PDSS2: variants seen among roughly 807,000 people sequenced by gnomAD.
PDSS2 encodes decaprenyl diphosphate synthase subunit 2.
In PDSS2, 31 loss-of-function variants were observed where a neutral mutation model predicts 44.5. The observed-to-expected ratio is 0.70, with a 90% CI of 0.52 to 0.94. The LOEUF (loss-of-function observed/expected upper bound fraction) is 0.94, where lower values mean the gene tolerates loss of function less well. PDSS2 is among the 40% of genes least tolerant of loss of function. The probability of loss-of-function intolerance (pLI) is 0.00; values close to 1 mark genes in which losing one functional copy is unlikely to be tolerated. For missense variants in PDSS2, 452 were observed against 482.2 expected, an observed-to-expected ratio of 0.94 and a Z score of 0.59; for synonymous variants, 157 against 180.3, an observed-to-expected ratio of 0.87 and a Z score of 1.03.
At chr6:107,431,440 A>G (rs9373949) in intron 1 of PDSS2, among the ~76,000 whole-genome samples, 1 of 151,958 alleles carries the variant, frequency 6.6e-6, no homozygotes, top group African/African-American at 2.4e-5. Flanking sequence ...AGTAGAGACA[A>G]GGTCTTGCCA....
intron 3 of PDSS2, among the ~76,000 whole-genome samples, chr6:107,253,805 C>T (rs1325040157): frequency 1.3e-5 from 2 of 152,084 alleles, no homozygotes; most frequent in Non-Finnish European, 2.9e-5. Flanking sequence ...ATCACTGACT[C>T]ATTTATTTGT....
At chr6:107,416,235 A>G (rs983299759) in intron 1 of PDSS2, among the ~76,000 whole-genome samples, 1 of 152,170 alleles carries the variant, frequency 6.6e-6, no homozygotes, top group African/African-American at 2.4e-5. Flanking sequence ...ATTTGTAAGC[A>G]CAGTATTCCA....
intron 1 of PDSS2, among the ~76,000 whole-genome samples, chr6:107,414,986 T>C (rs1224366412): frequency 6.6e-6 from 1 of 152,096 alleles, no homozygotes; most frequent in African/African-American, 2.4e-5. Context: ...AATCATAGAA[T>C]CTCAACTCAA....
chr6:107,263,972 A>T (rs1775329891), intron 3 of PDSS2, among the ~76,000 whole-genome samples: 1 of 152,230 alleles, frequency 6.6e-6, no homozygotes, highest in Non-Finnish European at 1.5e-5. Context: ...GGTTACATGT[A>T]TAAAAAATAT....
intron 1 of PDSS2, among the ~76,000 whole-genome samples, chr6:107,372,703 C>T (rs1254992643): frequency 1.3e-5 from 2 of 152,240 alleles, no homozygotes; most frequent in Admixed American, 6.5e-5. Flanking sequence ...CTGCCCGCCT[C>T]GGCCTCCCAA....
intron 7 of PDSS2, among the ~76,000 whole-genome samples, chr6:107,181,533 CA>C (rs199867474): frequency 5.5e-5 from 6 of 108,324 alleles, no homozygotes; most frequent in Admixed American, 3.1e-4. Flanking sequence ...ATCTCTGTCT[CA>C]AAAAAAAAAG....
chr6:107,242,795 G>A (rs1332108427), intron 4 of PDSS2, among the ~76,000 whole-genome samples: 1 of 152,158 alleles, frequency 6.6e-6, no homozygotes, highest in Non-Finnish European at 1.5e-5. Context: ...GCCTCCTAAA[G>A]TGCTGGGATT....
At chr6:107,416,451 G>T (rs1007198220) in intron 1 of PDSS2, among the ~76,000 whole-genome samples, 1 of 152,120 alleles carries the variant, frequency 6.6e-6, no homozygotes, top group African/African-American at 2.4e-5. Context: ...TGTTAGCAAG[G>T]TACTTTCACC....
intron 1 of PDSS2, among the ~76,000 whole-genome samples, chr6:107,401,994 T>C (rs1160982151): frequency 6.6e-6 from 1 of 151,694 alleles, no homozygotes; most frequent in Non-Finnish European, 1.5e-5. Context: ...AATACAAAAA[T>C]TAGGCCGGGC....
At chr6:107,213,628 G>A (rs1354587680) in intron 4 of PDSS2, among the ~76,000 whole-genome samples, 2 of 152,036 alleles carry the variant, frequency 1.3e-5, no homozygotes, top group Non-Finnish European at 2.9e-5. Context: ...GTGGTGGCAG[G>A]TGCCTGTAAT....
At chr6:107,195,468 T>G in intron 6 of PDSS2, among the ~76,000 whole-genome samples, 3 of 123,480 alleles carry the variant, frequency 2.4e-5, no homozygotes, top group Admixed American at 9.7e-5. Context: ...GGTGACAGAG[T>G]GAGATCCTGT....
At chr6:107,361,265 CCAGA>C (rs1372820226) in intron 1 of PDSS2, among the ~76,000 whole-genome samples, 1 of 152,094 alleles carries the variant, frequency 6.6e-6, no homozygotes, top group Non-Finnish European at 1.5e-5. Flanking sequence ...AAGGTAAACA[CCAGA>C]TATATGCCAA....
chr6:107,363,821 A>C (rs770737136), intron 1 of PDSS2, among the ~76,000 whole-genome samples: 1 of 152,074 alleles, frequency 6.6e-6, no homozygotes, highest in Non-Finnish European at 1.5e-5. Context: ...CTCCACGTCC[A>C]CATCAGATTA....
At chr6:107,282,137 C>A (rs942634521) in intron 2 of PDSS2, among the ~76,000 whole-genome samples, 2 of 152,126 alleles carry the variant, frequency 1.3e-5, no homozygotes, top group Non-Finnish European at 2.9e-5. Context: ...AACCGCTGAC[C>A]TCAGGTGATC....
At chr6:107,267,588 C>CTTTTTTTT (rs55860139) in intron 3 of PDSS2, among the ~76,000 whole-genome samples, 4 of 132,364 alleles carry the variant, frequency 3.0e-5, no homozygotes, top group African/African-American at 8.3e-5. Context: ...GATTCTCTTT[C>CTTTTTTTT]TTTTTTTTTT....
chr6:107,376,751 T>C (rs1779296904), intron 1 of PDSS2, among the ~76,000 whole-genome samples: 1 of 152,024 alleles, frequency 6.6e-6, no homozygotes. Context: ...ACCCTTTATT[T>C]CCTTCTCCTG....
intron 1 of PDSS2, among the ~76,000 whole-genome samples, chr6:107,392,609 A>T (rs1488628896): frequency 4.6e-5 from 7 of 152,200 alleles, no homozygotes; most frequent in Non-Finnish European, 1.0e-4. Context: ...TAATGCATAA[A>T]CCATGTCAAA....
At chr6:107,213,310 TA>T (rs201011808) in intron 4 of PDSS2, among the ~76,000 whole-genome samples, 1,410 of 90,882 alleles carry the variant, frequency 0.016, 26 homozygotes, top group African/African-American at 0.067. Context: ...CACACCCAGA[TA>T]ATTTTTTTTT....
intron 1 of PDSS2, among the ~76,000 whole-genome samples, chr6:107,411,521 T>C (rs928764012): frequency 3.3e-5 from 5 of 152,330 alleles, no homozygotes; most frequent in African/African-American, 1.2e-4. Context: ...ATCTATACAA[T>C]TGGCCCTCCA....
Sources: allele counts gnomAD v4.1 joint callset (sites outside exome capture counted in the v4.1 genomes callset), GRCh38; gene constraint gnomAD v4.1.1; transcripts MANE v1.5; gene names NCBI Gene and HGNC (gene_info 2026-07-23, HGNC 2026-07-21).